Variants in BCAN observed in about 807,000 individuals in gnomAD.
BCAN encodes the protein brevican.
In BCAN, 51 loss-of-function variants were observed where a neutral mutation model predicts 92.4. The observed-to-expected ratio is 0.55, with a 90% CI of 0.44 to 0.70. The LOEUF is 0.70. BCAN is among the 30% of genes least tolerant of loss of function. BCAN has a pLI of 0.00. For missense variants in BCAN, 1,140 were observed against 1,212.1 expected (o/e 0.94, Z 0.88); for synonymous variants, 501 against 505.2 (o/e 0.99, Z 0.11).
chr1:156,648,423 T>C (rs978692065), intron 5 of BCAN, 145 bp from the exon 6 acceptor site: 55 of 961,204 alleles, frequency 5.7e-5, no homozygotes, highest in African/African-American at 1.6e-5. Context: ...GAGGTTCTAT[T>C]CAGACTATGA....
chr1:156,652,197 G>T (rs1296875158), intron 7 of BCAN, 51 bp from the exon 8 acceptor site: 3 of 1,533,772 alleles, frequency 2.0e-6, no homozygotes, highest in East Asian at 2.3e-5. Flanking sequence ...TTTCCTTTCG[G>T]TCCTTGGACA....
At chr1:156,648,238 C>G in intron 5 of BCAN, 128 bp downstream of exon 5, 20 of 1,296,206 alleles carry the variant, frequency 1.5e-5, no homozygotes, top group Non-Finnish European at 2.1e-5. Context: ...AGTAAGGAGA[C>G]AATTGGTGTC....
rs1378053010 is a variant in BCAN at position 156,659,028 on chromosome 1, C to G, written c.2630C>G (p.Ala877Gly). ...AGGGTGAGTGTGTGTCTTCCCCAGG[C>G]CCGAGCTCTGCACCCAGAGGAGGAC... ...PQISCVPRRPARALHPEEDPE... is the reference protein window; with the variant it reads ...PQISCVPRRPGRALHPEEDPE... Residue 877 changes from alanine (A) to glycine (G), a missense_variant and splice_region_variant, in exon 14 of 14, where the codon GCC becomes GGC. By Grantham distance (60) the Ala-to-Gly change is moderately conservative (BLOSUM62 0). Around this residue, in one of 3 missense-constraint regions of BCAN, gnomAD observed 825 missense variants for 871.8 expected, o/e 0.95. Coordinates refer to ENST00000329117, the MANE Select transcript of BCAN (RefSeq NM_021948.5). The G allele has an allele frequency of 2.5e-6, 4 of 1,594,642 alleles. No homozygotes were observed. In the East Asian group the frequency reaches 6.8e-5, roughly 27 times the overall value.
chr1:156,658,340 T>A lies in BCAN; in HGVS notation c.2437+69T>A. ...TGGGCTAGGGGACCAGAGGGACTGA[T>A]GTTTGTAGACAGAGAGTGCAAAGCA... On this transcript the variant is annotated intron_variant, in intron 12 of 13. Transcript: ENST00000329117. This position sits in a 1 kb window ranked among gnomAD's most constrained non-coding sequence, Gnocchi z 4.4. The A allele has an allele frequency of 6.3e-7, 1 of 1,577,848 alleles. No homozygotes were observed. Among genetic ancestry groups the A allele is most frequent in the South Asian group, 1.2e-5 (1 of 84,842 alleles).
chr1:156,646,207 G>T, intron 2 of BCAN, 62 bp downstream of exon 2: 1 of 1,513,714 alleles, frequency 6.6e-7, no homozygotes. Context: ...ACTGCTTCCA[G>T]GCTTAGGGGC....
rs80076972 is a variant in BCAN at position 156,647,740 on chromosome 1, C to T, written c.641+58C>T. On this transcript the variant is annotated intron_variant, in intron 4 of 13. Transcript: ENST00000329117. The surrounding 1 kb of genome is among the most constrained non-coding windows in gnomAD (Gnocchi z 4.8). The stretch of plus-strand genomic sequence containing the variant: ...GGCCCCTGAGGTGGCCATGGCCCCC[C>T]TTCTGCTGGGTGCTGCCTGCTGTGT... The T allele has an allele frequency of 1.9e-6, 3 of 1,554,852 alleles. No homozygotes were observed. In the South Asian group the frequency reaches 3.6e-5, roughly 19 times the overall value.
At position 156,647,421 on chromosome 1, in the gene BCAN, C is replaced by G. The variant is rs749513252; in HGVS notation, c.467-87C>G. 3 of 1,364,772 alleles carry G rather than the reference C, an allele frequency of 2.2e-6. No homozygotes were observed. The highest frequency in any genetic ancestry group is 2.0e-6 in the Non-Finnish European group (2 of 1,002,386). 84.5% of individuals were successfully genotyped at this position (1,364,772 alleles called of 1,614,324 possible). On this transcript the variant is annotated intron_variant, in intron 3 of 13. Transcript: ENST00000329117. This position sits in a 1 kb window ranked among gnomAD's most constrained non-coding sequence, Gnocchi z 4.8. ...TGAGCACAATTGAACTTTATTTACC[C>G]TTGTGTACAGAGGAGTGACAAGGAG...
rs765179940 is a variant in BCAN at position 156,657,686 on chromosome 1, G to A, written c.2221G>A (p.Glu741Lys). The A allele has an allele frequency of 6.2e-7, 1 of 1,611,144 alleles. No homozygotes were observed. Among genetic ancestry groups the A allele is most frequent in the African/African-American group, 1.3e-5 (1 of 74,772 alleles). The change falls in exon 11 of 14, where the codon GAG becomes AAG. Residue 741 changes from glutamate (E) to lysine (K), a missense_variant. By Grantham distance (56) the Glu-to-Lys change is moderately conservative. This residue lies in a region of BCAN where 825 missense variants were observed against 871.8 expected (regional missense o/e 0.95). Coordinates refer to ENST00000329117, the MANE Select transcript of BCAN (RefSeq NM_021948.5). ...CTTCGTCTCCCTAGACCGGTACCGG[G>A]AGTACCAGTGGATCGGACTCAACGA... ...EQDFINNRYR[E>K]YQWIGLNDRT...
At chr1:156,652,956 G>A (rs774144283) in intron 8 of BCAN, 64 bp downstream of exon 8, 6 of 1,592,266 alleles carry the variant, frequency 3.8e-6, no homozygotes, top group Non-Finnish European at 5.1e-6. Flanking sequence ...CTGCAGCTCT[G>A]GGTCACCTGA....
At chr1:156,649,025 T>C (rs1010959833) in intron 6 of BCAN, among the ~76,000 whole-genome samples, 164 bp downstream of exon 6, 2 of 152,242 alleles carry the variant, frequency 1.3e-5, no homozygotes, top group Non-Finnish European at 2.9e-5. Context: ...ATTCTGGGCA[T>C]GCCCTCTGGT....
rs548954686 is a variant in BCAN, at chr1:156,653,165, G to T, written c.1942+273G>T. On this transcript the variant is annotated intron_variant, in intron 8 of 13. Coordinates refer to ENST00000329117, the MANE Select transcript of BCAN (RefSeq NM_021948.5). ...CCTGCCATTGGGCCCTCCACCTGTGGCTCACATCTCGCCAGCCCCACAGAG... is the reference window on the plus strand; with the variant it reads ...CCTGCCATTGGGCCCTCCACCTGTGTCTCACATCTCGCCAGCCCCACAGAG... The T allele has an allele frequency of 4.0e-5, 55 of 1,387,200 alleles. No individual in the cohort carries two copies. The African/African-American group carries it at 7.4e-4, about 19-fold the overall frequency. 85.9% of individuals were successfully genotyped at this position (1,387,200 alleles called of 1,614,324 possible).
intron 6 of BCAN, among the ~76,000 whole-genome samples, chr1:156,649,520 C>T (rs1413919211): frequency 6.6e-6 from 1 of 152,184 alleles, no homozygotes; most frequent in Non-Finnish European, 1.5e-5. Context: ...CCTTCCACTT[C>T]AACCTCCGGA....
In BCAN at chr1:156,656,277, C is replaced by T; in HGVS notation, c.1943-5C>T. On this transcript the variant is annotated splice_polypyrimidine_tract_variant and splice_region_variant and intron_variant, in intron 8 of 13. Transcript: ENST00000329117. Reference sequence around the variant, plus strand: ...CCCCCCGCCTCACTTCTTTCCCCCTCTCAGGTGACTGTGTCCCCAGCCCCT... The same window carrying T: ...CCCCCCGCCTCACTTCTTTCCCCCTTTCAGGTGACTGTGTCCCCAGCCCCT... The T allele has an allele frequency of 1.4e-6, 2 of 1,473,842 alleles. No homozygotes were observed. Among genetic ancestry groups the T allele is most frequent in the South Asian group, 1.6e-5 (1 of 62,928 alleles). 91.3% of individuals were successfully genotyped at this position (1,473,842 alleles called of 1,614,324 possible).
At position 156,656,405 on chromosome 1, in the gene BCAN, C is replaced by T. The variant is rs373239875; in HGVS notation, c.2050+16C>T. The T allele has an allele frequency of 3.0e-6, 4 of 1,338,950 alleles. No homozygotes were observed. The highest frequency in any genetic ancestry group is 3.0e-5 in the Admixed American group (1 of 32,908). The allele number at this position is 1,338,950 out of a possible 1,614,324, so 82.9% of individuals were successfully genotyped here. A position where few individuals can be genotyped will look rare whatever the true frequency, so the allele number is the denominator to read the frequency against. On this transcript the variant is annotated intron_variant, in intron 9 of 13. Transcript: ENST00000329117. ...TGCGATGTTGGTGAGTGTTGAGGGA[C>T]GGGGGGCAGGTTTGAAGCCTGGACC...
intron 1 of BCAN, chr1:156,643,171 T>A (rs1678846266): frequency 6.6e-6 from 1 of 152,248 alleles, no homozygotes. Context: ...CAGGGAACAG[T>A]GTTACCCTTA....
rs762334633 is a variant in BCAN at position 156,658,604 on chromosome 1, CTA to C, written c.2501_2502del (p.Tyr834Ter). The C allele has an allele frequency of 1.1e-5, 17 of 1,613,964 alleles. No individual in the cohort carries two copies. The highest frequency in any genetic ancestry group is 1.7e-5 in the Admixed American group (1 of 60,014). ...AQVFGRPRLR[Y>X]EVDTVLRYRC... is the part of the protein sequence containing the mutation. ...AAGTGTTCGGCCGCCCACGGCTGCG[CTA>C]TGAGGTGGACACTGTGCTTCGCTAC... On this transcript the variant is annotated frameshift_variant, in exon 13 of 14. Coordinates refer to ENST00000329117, the MANE Select transcript of BCAN (RefSeq NM_021948.5). LOFTEE classifies it high-confidence loss of function. This position sits in a 1 kb window ranked among gnomAD's most constrained non-coding sequence, Gnocchi z 4.4.
chr1:156,657,071 A>G lies in BCAN; in HGVS notation c.2184A>G (p.Thr728=), dbSNP rs1382059868. 1 of 1,613,988 alleles carries G rather than the reference A, an allele frequency of 6.2e-7. No individual in the cohort carries two copies. The highest frequency in any genetic ancestry group is 1.1e-5 in the South Asian group (1 of 91,074). ...MYGAHLASIS[T]PEEQDFINNR... is the part of the protein sequence containing the mutation. Reference sequence around the variant, plus strand: ...GCGCGCATCTGGCCAGCATCAGCACACCCGAGGAACAGGACTTCATCAACA... The same window carrying G: ...GCGCGCATCTGGCCAGCATCAGCACGCCCGAGGAACAGGACTTCATCAACA... Residue 728 remains threonine (T), a synonymous_variant, in exon 10 of 14, where the codon ACA becomes ACG. Transcript: ENST00000329117.
chr1:156,647,431 G>C lies in BCAN; in HGVS notation c.467-77G>C. The C allele has an allele frequency of 7.2e-7, 1 of 1,392,094 alleles. No individual in the cohort carries two copies. Among genetic ancestry groups the C allele is most frequent in the Non-Finnish European group, 9.8e-7 (1 of 1,024,906 alleles). The allele number at this position is 1,392,094 out of a possible 1,614,324, so 86.2% of individuals were successfully genotyped here. The stretch of plus-strand genomic sequence containing the variant: ...TGAACTTTATTTACCCTTGTGTACA[G>C]AGGAGTGACAAGGAGGGTGAGGGGA... On this transcript the variant is annotated intron_variant, in intron 3 of 13. Coordinates refer to ENST00000329117, the MANE Select transcript of BCAN (RefSeq NM_021948.5). The surrounding 1 kb of genome is among the most constrained non-coding windows in gnomAD (Gnocchi z 4.8).
intron 8 of BCAN, chr1:156,653,303 A>C: frequency 1.8e-6 from 2 of 1,081,282 alleles, no homozygotes; most frequent in Non-Finnish European, 2.2e-6. Context: ...GCTGCCTCCT[A>C]TTGATCTCAG....
Sources: gnomAD v4.1 joint callset for allele counts (sites outside exome capture counted in the v4.1 genomes callset) on GRCh38, gnomAD v4.1.1 for gene constraint, gnomAD v4.1.1 regional missense constraint, Gnocchi (gnomAD v3.1) non-coding constraint, MANE v1.5 for transcripts, NCBI Gene and HGNC (gene_info 2026-07-23, HGNC 2026-07-21) for gene names.